Variants in PSD2 observed in about 807,000 individuals in gnomAD.
The protein encoded by PSD2 is PH and SEC7 domain-containing protein 2.
In PSD2, 38 loss-of-function variants were observed where a neutral mutation model predicts 69.8. The observed-to-expected ratio is 0.54, with a 90% CI of 0.42 to 0.71. The LOEUF (loss-of-function observed/expected upper bound fraction) is 0.71, where lower values mean the gene tolerates loss of function less well. PSD2 is among the 30% of genes least tolerant of loss of function. PSD2 has a pLI of 0.00. For missense variants in PSD2, 943 were observed against 1,014.5 expected (o/e 0.93, Z 0.96); for synonymous variants, 412 against 423.0 (o/e 0.97, Z 0.32).
At chr5:139,799,906 T>C (rs1167666636) in intron 1 of PSD2, among the ~76,000 whole-genome samples, 2 of 151,848 alleles carry the variant, frequency 1.3e-5, no homozygotes, top group Admixed American at 6.6e-5. Context: ...AGATGGAGGT[T>C]TTGAGTGTAT....
rs1760835978 is a variant in PSD2 at position 139,840,102 on chromosome 5, G to C, written c.2044G>C (p.Val682Leu). 6.2e-7 allele frequency: 1 copy of C among 1,614,106 alleles called. No homozygotes were observed. The highest frequency in any genetic ancestry group is 8.5e-7 in the Non-Finnish European group (1 of 1,180,052). Residue 682 changes from valine to leucine, a missense_variant, in exon 14 of 15, where the codon GTC becomes CTC. Physicochemically the swap from Val to Leu is conservative, Grantham distance 32. Around this residue, in one of 3 missense-constraint regions of PSD2, gnomAD observed 165 missense variants for 168.8 expected, o/e 0.98. Transcript: ENST00000274710. Reference protein sequence around the residue: ...AELAEHRCHPVERGIKSKEAE... With the variant: ...AELAEHRCHPLERGIKSKEAE... Reference sequence around the variant, plus strand: ...GCTGGCCGAACACAGGTGTCACCCAGTCGAGAGGGGCATCAAGTCCAAGGA... The same window carrying C: ...GCTGGCCGAACACAGGTGTCACCCACTCGAGAGGGGCATCAAGTCCAAGGA...
rs879491981 is a variant in PSD2 at position 139,814,505 on chromosome 5, C to G, written c.1016+141C>G. 4.3e-5 allele frequency: 31 copies of G among 713,004 alleles called. No individual in the cohort carries two copies. The Admixed American group carries it at 1.0e-3, about 24-fold the overall frequency. The allele number at this position is 713,004 out of a possible 1,614,324, so 44.2% of individuals were successfully genotyped here. On this transcript the variant is annotated intron_variant, in intron 4 of 14. Transcript: ENST00000274710. This position sits in a 1 kb window ranked among gnomAD's most constrained non-coding sequence, Gnocchi z 4.4. Reference sequence around the variant, plus strand: ...AGTTCCCCAAGGACACCTCCTCCCGCCACTGTCCTCATTCCTGGCCTCGCC... The same window carrying G: ...AGTTCCCCAAGGACACCTCCTCCCGGCACTGTCCTCATTCCTGGCCTCGCC...
the PSD2 span, chr5:139,745,120 G>C: frequency 6.6e-6 from 1 of 152,324 alleles, no homozygotes; most frequent in Non-Finnish European, 1.5e-5. Context: ...GCAGCCCAAG[G>C]TCCCACAGGG....
At chr5:139,782,516 A>G in the PSD2 span, among the ~76,000 whole-genome samples, 1 of 104,630 alleles carries the variant, frequency 9.6e-6, no homozygotes, top group African/African-American at 3.9e-5. Flanking sequence ...TTTTTGAGAC[A>G]CAGTCTCACT....
At chr5:139,835,831 G>A in intron 9 of PSD2, 65 bp downstream of exon 9, 1 of 1,505,436 alleles carries the variant, frequency 6.6e-7, no homozygotes, top group Admixed American at 1.7e-5. Context: ...GTGTGGGGGT[G>A]CAGGTCCGAC....
At chr5:139,750,779 C>T in the PSD2 span, among the ~76,000 whole-genome samples, 1 of 152,154 alleles carries the variant, frequency 6.6e-6, no homozygotes, top group Non-Finnish European at 1.5e-5. Flanking sequence ...GTGTCTGGGG[C>T]AAGAGGGAGG....
chr5:139,840,293 G>A, intron 14 of PSD2, 123 bp downstream of exon 14: 3 of 1,102,802 alleles, frequency 2.7e-6, no homozygotes, highest in Non-Finnish European at 3.9e-6. Flanking sequence ...GTGGGAGCTG[G>A]GAGGGAACAG....
chr5:139,750,064 G>T, the PSD2 span, among the ~76,000 whole-genome samples: 2 of 151,164 alleles, frequency 1.3e-5, no homozygotes, highest in Admixed American at 1.3e-4. Context: ...GGTGGCTCAT[G>T]CCTGTAATCC....
At chr5:139,752,910 C>T in the PSD2 span, among the ~76,000 whole-genome samples, 2 of 152,158 alleles carry the variant, frequency 1.3e-5, no homozygotes, top group Admixed American at 6.5e-5. Context: ...CTGCTACAAC[C>T]CTGGCCAGTC....
chr5:139,820,564 G>C (rs1760234147), intron 5 of PSD2, among the ~76,000 whole-genome samples: 1 of 151,964 alleles, frequency 6.6e-6, no homozygotes, highest in South Asian at 2.1e-4. Flanking sequence ...CATGAGAGAG[G>C]GTAAAGCAAA....
intron 1 of PSD2, among the ~76,000 whole-genome samples, chr5:139,799,978 A>C (rs7700395): frequency 0.23 from 35,321 of 150,482 alleles, 4,227 homozygotes; most frequent in African/African-American, 0.31. Context: ...TGGTGGCCCC[A>C]ACTGTGGCCC....
At chr5:139,747,337 G>C in the PSD2 span, among the ~76,000 whole-genome samples, 1 of 152,270 alleles carries the variant, frequency 6.6e-6, no homozygotes, top group East Asian at 1.9e-4. This position sits in a 1 kb window ranked among gnomAD's most constrained non-coding sequence, Gnocchi z 6.7. Flanking sequence ...CTGCAGCAGA[G>C]CGGGGGTGAG....
At chr5:139,753,144 A>G in the PSD2 span, among the ~76,000 whole-genome samples, 4 of 152,192 alleles carry the variant, frequency 2.6e-5, no homozygotes, top group South Asian at 4.1e-4. Context: ...GACCAATCTA[A>G]CTAACCTGCC....
chr5:139,812,573 A>G (rs1368928285), intron 2 of PSD2, among the ~76,000 whole-genome samples: 1 of 152,178 alleles, frequency 6.6e-6, no homozygotes, highest in African/African-American at 2.4e-5. Context: ...TAAACAGGGG[A>G]ACAGACAGAA....
intron 7 of PSD2, among the ~76,000 whole-genome samples, chr5:139,826,561 A>G (rs1388438060): frequency 6.6e-6 from 1 of 152,122 alleles, no homozygotes; most frequent in Non-Finnish European, 1.5e-5. Context: ...GGGGCTTCTG[A>G]TGGCTTCTAC....
rs1419685377 is a variant in PSD2 at position 139,814,120 on chromosome 5, T to G, written c.822-50T>G. 1 of 1,587,658 alleles carries G rather than the reference T, an allele frequency of 6.3e-7. No homozygotes were observed. Among genetic ancestry groups the G allele is most frequent in the Admixed American group, 1.8e-5 (1 of 55,688 alleles). ...AAACCTCCCAGCCTCCTCTGGGGCC[T>G]TTGACCCTGGGCCTCTGACGCTACT... On this transcript the variant is annotated intron_variant, in intron 3 of 14. Transcript: ENST00000274710. This position sits in a 1 kb window ranked among gnomAD's most constrained non-coding sequence, Gnocchi z 4.4.
the PSD2 span, among the ~76,000 whole-genome samples, chr5:139,777,357 G>A: frequency 2.0e-5 from 3 of 152,148 alleles, no homozygotes; most frequent in African/African-American, 7.2e-5. Context: ...GGGGCCTCTT[G>A]TTGCAAACAG....
chr5:139,745,884 A>G, the PSD2 span, among the ~76,000 whole-genome samples: 1 of 152,098 alleles, frequency 6.6e-6, no homozygotes, highest in African/African-American at 2.4e-5. Context: ...GGTCACAAAC[A>G]AGACCGACAC....
the PSD2 span, chr5:139,743,624 T>C: frequency 6.5e-6 from 1 of 152,958 alleles, no homozygotes; most frequent in African/African-American, 2.4e-5. Flanking sequence ...AGAGTGCATG[T>C]GTGTGGAAGC....
Sources: gnomAD v4.1 joint callset for allele counts (sites outside exome capture counted in the v4.1 genomes callset) on GRCh38, gnomAD v4.1.1 for gene constraint, gnomAD v4.1.1 regional missense constraint, Gnocchi (gnomAD v3.1) non-coding constraint, MANE v1.5 for transcripts, NCBI Gene and HGNC (gene_info 2026-07-23, HGNC 2026-07-21) for gene names.